The following ZFAND4 variants were observed in gnomAD, a reference collection of about 807,000 sequenced individuals.
ZFAND4 encodes the protein AN1-type zinc finger protein 4.
ZFAND4 carries 43 observed loss-of-function variants against 64.4 expected under a neutral mutation model. The ratio of observed to expected loss-of-function variants is 0.67; its 90% CI spans 0.52 to 0.86. The LOEUF (loss-of-function observed/expected upper bound fraction) is 0.86, where lower values mean the gene tolerates loss of function less well. Among genes scored for constraint, ZFAND4 ranks in the 40% least tolerant of loss-of-function variants. The pLI is 0.00. For synonymous variants in ZFAND4, 296 were observed against 305.7 expected, an observed-to-expected ratio of 0.97 and a Z score of 0.33; for missense variants, 929 against 859.8, an observed-to-expected ratio of 1.08 and a Z score of -1.01.
rs568171610 is a variant in ZFAND4, at chr10:45,652,141, T to C, written c.261-108A>G. ...CAGGCAGAGTGGCCACTCTCTAAAATATAAAAAGATATAGCAATGTAAATA... is the reference window on the plus strand; with the variant it reads ...CAGGCAGAGTGGCCACTCTCTAAAACATAAAAAGATATAGCAATGTAAATA... On this transcript the variant is annotated intron_variant, in intron 3 of 9. Coordinates refer to ENST00000344646, the MANE Select transcript of ZFAND4 (RefSeq NM_174890.4). The C allele has an allele frequency of 5.2e-4, 466 of 897,758 alleles. 1 individual carries two copies. The highest frequency in any genetic ancestry group is 1.0e-3 in the South Asian group (71 of 70,470). The allele number at this position is 897,758 out of a possible 1,614,324, so 55.6% of individuals were successfully genotyped here.
intron 8 of ZFAND4, among the ~76,000 whole-genome samples, chr10:45,623,681 A>G (rs565402298): frequency 6.6e-6 from 1 of 152,250 alleles, no homozygotes; most frequent in East Asian, 1.9e-4. Context: ...TGTAAGATGA[A>G]AAGTGTTCTA....
At position 45,616,506 on chromosome 10, in the gene ZFAND4, T is replaced by TCCC; in HGVS notation, c.2113_2114insGGG (p.Lys705delinsArgGlu). ...GTGCAAGTATCTCCTCCCTGCACTC[T>TCCC]TGTAATCATAGGTACAGCCATGAGT... On this transcript the variant is annotated protein_altering_variant, in exon 10 of 10. Transcript: ENST00000344646. The TCCC allele has an allele frequency of 6.2e-7, 1 of 1,614,212 alleles. No homozygotes were observed. Among genetic ancestry groups the TCCC allele is most frequent in the Admixed American group, 1.7e-5 (1 of 60,028 alleles).
intron 5 of ZFAND4, among the ~76,000 whole-genome samples, chr10:45,641,545 T>C (rs2305299): frequency 0.11 from 16,645 of 152,224 alleles, 1,211 homozygotes; most frequent in Admixed American, 0.2. Context: ...AAACTGTGGG[T>C]TAATTACACG....
intron 1 of ZFAND4, among the ~76,000 whole-genome samples, chr10:45,667,966 G>A (rs575179994): frequency 1.3e-5 from 2 of 152,226 alleles, no homozygotes. Context: ...CCTGCTTTAG[G>A]TGGGTTTTCT....
intron 1 of ZFAND4, among the ~76,000 whole-genome samples, chr10:45,665,328 T>C (rs1424849584): frequency 1.4e-4 from 22 of 152,012 alleles, no homozygotes. Flanking sequence ...TCACCTGAGG[T>C]CAGGAGTTCG....
intron 5 of ZFAND4, among the ~76,000 whole-genome samples, chr10:45,642,910 CTTTTTTTT>C (rs749998698): frequency 1.2e-5 from 1 of 83,834 alleles, no homozygotes; most frequent in Non-Finnish European, 2.2e-5. Context: ...TTCTCCAAAT[CTTTTTTTT>C]TTTTTTTTTT....
chr10:45,640,450 T>C (rs1215155074), intron 5 of ZFAND4: 104 of 1,163,274 alleles, frequency 8.9e-5, no homozygotes, highest in Non-Finnish European at 1.1e-4. Flanking sequence ...AAAGAATTCA[T>C]ACACAGGTGT....
chr10:45,622,884 A>C (rs2045533800), intron 8 of ZFAND4, among the ~76,000 whole-genome samples: 2 of 152,120 alleles, frequency 1.3e-5, no homozygotes, highest in Admixed American at 6.5e-5. Context: ...AAGTATCTTT[A>C]ATAAAGCTGG....
Position 45,616,392 on chromosome 10 carries a change from T to A in ZFAND4, c.*44A>T. On this transcript the variant is annotated 3_prime_UTR_variant, in exon 10 of 10. Coordinates refer to ENST00000344646, the MANE Select transcript of ZFAND4 (RefSeq NM_174890.4). Reference sequence around the variant, plus strand: ...GTCTAAACAACATTTCTTCTGTCATTATAATACGAATCCCGGGCAGAACAG... The same window carrying A: ...GTCTAAACAACATTTCTTCTGTCATAATAATACGAATCCCGGGCAGAACAG... The A allele has an allele frequency of 6.2e-7, 1 of 1,602,716 alleles. No homozygotes were observed. Among genetic ancestry groups the A allele is most frequent in the Non-Finnish European group, 8.5e-7 (1 of 1,175,840 alleles).
intron 9 of ZFAND4, 111 bp downstream of exon 9, chr10:45,618,029 C>A: frequency 8.7e-7 from 1 of 1,150,948 alleles, no homozygotes; most frequent in South Asian, 1.6e-5. Context: ...AGCTATTGAA[C>A]ATCATCTTAA....
At chr10:45,637,209 C>G (rs1423272006) in intron 6 of ZFAND4, among the ~76,000 whole-genome samples, 1 of 151,626 alleles carries the variant, frequency 6.6e-6, no homozygotes, top group African/African-American at 2.4e-5. Context: ...GGCATGGTGG[C>G]ACATGCCTGT....
intron 4 of ZFAND4, chr10:45,651,647 A>C: frequency 2.0e-6 from 1 of 488,652 alleles, no homozygotes; most frequent in South Asian, 1.5e-5. Flanking sequence ...AAAAATAAAC[A>C]AGACTCGTAT....
chr10:45,637,004 G>C (rs1167891024), intron 6 of ZFAND4, among the ~76,000 whole-genome samples: 1 of 120,376 alleles, frequency 8.3e-6, no homozygotes, highest in African/African-American at 3.1e-5. Flanking sequence ...TTCCCCATCA[G>C]AAAAAAAAAA....
chr10:45,635,210 A>AAAAAAAAAAAAAAAC (rs2046490633), intron 6 of ZFAND4, among the ~76,000 whole-genome samples: 1 of 137,756 alleles, frequency 7.3e-6, no homozygotes, highest in Non-Finnish European at 1.6e-5. Context: ...AAAAAAAAAA[A>AAAAAAAAAAAAAAAC]AAACAAAAAA....
At chr10:45,631,949 T>C (rs2046251947) in intron 6 of ZFAND4, among the ~76,000 whole-genome samples, 2 of 152,194 alleles carry the variant, frequency 1.3e-5, no homozygotes, top group Non-Finnish European at 2.9e-5. Flanking sequence ...GGTTTGAACA[T>C]CGAAAAATTC....
chr10:45,635,195 C>CAAAAAAAAAAAAAAAAAACAAAAAAAAAA (rs2046478075), intron 6 of ZFAND4, among the ~76,000 whole-genome samples: 13 of 27,602 alleles, frequency 4.7e-4, no homozygotes, highest in African/African-American at 8.5e-4. Context: ...GCCATCTAAG[C>CAAAAAAAAAAAAAAAAAACAAAAAAAAAA]AAAAAAAAAA....
intron 5 of ZFAND4, among the ~76,000 whole-genome samples, chr10:45,647,424 GTT>G (rs58918686): frequency 0.018 from 2,254 of 126,988 alleles, 63 homozygotes; most frequent in African/African-American, 0.06. Flanking sequence ...ACTACAAGCT[GTT>G]TTTTTTTTTT....
At chr10:45,623,267 G>C (rs1167044434) in intron 8 of ZFAND4, among the ~76,000 whole-genome samples, 1 of 152,128 alleles carries the variant, frequency 6.6e-6, no homozygotes, top group Admixed American at 6.5e-5. Flanking sequence ...TCATTTCTGG[G>C]TATATATTCT....
At position 45,616,210 on chromosome 10, in the gene ZFAND4, TA is replaced by T; in HGVS notation, c.*225del. ...AACACAAGACATGCAATAACAAAGC[TA>T]AATCATTCCAGTGTAAAGTTGTTAA... is the stretch of plus-strand genomic sequence containing the variant. On this transcript the variant is annotated 3_prime_UTR_variant, in exon 10 of 10. Transcript: ENST00000344646. 1.9e-6 allele frequency: 1 copy of T among 526,352 alleles called. No homozygotes were observed. Among genetic ancestry groups the T allele is most frequent in the Non-Finnish European group, 3.2e-6 (1 of 308,812 alleles). 32.6% of individuals were successfully genotyped at this position (526,352 alleles called of 1,614,324 possible). A position where few individuals can be genotyped will look rare whatever the true frequency, so the allele number is the denominator to read the frequency against.
Sources: gnomAD v4.1 joint callset for allele counts (sites outside exome capture counted in the v4.1 genomes callset) on GRCh38, gnomAD v4.1.1 for gene constraint, MANE v1.5 for transcripts, NCBI Gene and HGNC (gene_info 2026-07-23, HGNC 2026-07-21) for gene names.